Variants in MAP7D3 observed in about 807,000 individuals in gnomAD.
MAP7D3 encodes MAP7 domain containing 3.
In MAP7D3, 45 loss-of-function variants were observed where a neutral mutation model predicts 62.2. That is an observed-to-expected ratio of 0.72 (90% CI 0.57 to 0.93). MAP7D3 has a LOEUF of 0.93. MAP7D3 is among the 40% of genes least tolerant of loss of function. MAP7D3 has a pLI of 0.00. For synonymous variants in MAP7D3, 288 were observed against 248.8 expected (o/e 1.16, Z -1.48); for missense variants, 711 against 683.1 (o/e 1.04, Z -0.45).
chrX:136,252,783 C>A (rs184679665), upstream of MAP7D3, among the ~76,000 whole-genome samples: 1,120 of 107,156 alleles, frequency 0.01, 11 homozygotes, highest in Middle Eastern at 0.021. Context: ...TAAGTGTTTG[C>A]GATGATGTAG....
intron 14 of MAP7D3, 143 bp downstream of exon 14, chrX:136,224,684 C>A: frequency 7.5e-6 from 3 of 401,336 alleles, no homozygotes; most frequent in African/African-American, 2.6e-5. Flanking sequence ...GATATGAAAA[C>A]ATGGTCAACC....
At chrX:136,250,083 T>C (rs374984694) in intron 1 of MAP7D3, among the ~76,000 whole-genome samples, 32 of 111,687 alleles carry the variant, frequency 2.9e-4, no homozygotes, top group African/African-American at 1.0e-3. Context: ...CAACACAATT[T>C]ATTGGAGACT....
At chrX:136,226,105 T>A in intron 12 of MAP7D3, 92 bp from the exon 13 acceptor site, 1 of 579,000 alleles carries the variant, frequency 1.7e-6, no homozygotes, top group Non-Finnish European at 2.7e-6. Context: ...GTAAATGTTA[T>A]CTAGTATAAC....
chrX:136,241,156 T>C lies in MAP7D3; in HGVS notation c.535+4A>G. On this transcript the variant is annotated splice_donor_region_variant and intron_variant, in intron 5 of 18. Transcript: ENST00000316077. ...ACTTAAAATTTAATGGGTGTATTAA[T>C]TACCAGTTTTGCTCTCAGAATTCGC... The C allele has an allele frequency of 9.6e-7, 1 of 1,044,197 alleles. No individual in the cohort carries two copies. Among genetic ancestry groups the C allele is most frequent in the Non-Finnish European group, 1.3e-6 (1 of 748,303 alleles). 86.1% of individuals were successfully genotyped at this position (1,044,197 alleles called of 1,213,427 possible). A position where few individuals can be genotyped will look rare whatever the true frequency, so the allele number is the denominator to read the frequency against.
At chrX:136,240,632 T>G in intron 5 of MAP7D3, 146 bp from the exon 6 acceptor site, 1 of 429,681 alleles carries the variant, frequency 2.3e-6, no homozygotes, top group Non-Finnish European at 4.0e-6. Flanking sequence ...CGTCAATCCT[T>G]TTTTTTTAGT....
chrX:136,227,376 C>T lies in MAP7D3; in HGVS notation c.1942G>A (p.Asp648Asn). Residue 648 changes from aspartate to asparagine, a missense_variant, in exon 12 of 19, where the codon GAC becomes AAC. Coordinates refer to ENST00000316077, the MANE Select transcript of MAP7D3 (RefSeq NM_024597.4). ...AKEAVGGQAE[D>N]HLKLKDGQQQ... is the part of the protein sequence containing the mutation. ...TGCCCATCTTTGAGTTTCAAGTGGT[C>T]TTCTGCTTGGCCTCCAACTGCTTCC... 8.3e-7 allele frequency: 1 copy of T among 1,198,159 alleles called. No individual in the cohort carries two copies. Among genetic ancestry groups the T allele is most frequent in the Non-Finnish European group, 1.1e-6 (1 of 885,818 alleles).
intron 16 of MAP7D3, among the ~76,000 whole-genome samples, chrX:136,219,911 G>A (rs1316335304): frequency 9.0e-6 from 1 of 111,232 alleles, no homozygotes; most frequent in African/African-American, 3.3e-5. Context: ...AGCTAAGCAC[G>A]CAGGACTCCA....
chrX:136,240,646 G>C (rs2074379695), intron 5 of MAP7D3, among the ~76,000 whole-genome samples, 160 bp from the exon 6 acceptor site: 1 of 110,864 alleles, frequency 9.0e-6, no homozygotes, highest in Admixed American at 9.6e-5. Context: ...TTTTAGTAGA[G>C]ACGGGGCTTC....
chrX:136,222,836 T>G (rs1486597417), intron 14 of MAP7D3, among the ~76,000 whole-genome samples: 1 of 108,488 alleles, frequency 9.2e-6, no homozygotes, highest in Non-Finnish European at 1.9e-5. Context: ...TTGACTGTTT[T>G]TTTTTTTTTT....
Position 136,231,976 on chromosome X carries a change from C to G in MAP7D3, c.981G>C (p.Val327=). 8.3e-7 allele frequency: 1 copy of G among 1,211,687 alleles called. No individual in the cohort carries two copies. The highest frequency in any genetic ancestry group is 1.1e-6 in the Non-Finnish European group (1 of 895,435). Residue 327 remains valine (V), a synonymous_variant, in exon 8 of 19, where the codon GTG becomes GTC. Coordinates refer to ENST00000316077, the MANE Select transcript of MAP7D3 (RefSeq NM_024597.4). ...TSMEASPKAG[V]GMAPEVSTDS... is the part of the protein sequence containing the mutation. ...CCGTGCTCACCTCAGGGGCCATGCC[C>G]ACACCTGCCTTGGGGGACGCTTCCA...
At chrX:136,237,267 G>A (rs898462824) in intron 6 of MAP7D3, among the ~76,000 whole-genome samples, 2 of 112,250 alleles carry the variant, frequency 1.8e-5, no homozygotes, top group Non-Finnish European at 3.8e-5. Context: ...CCACAGAGGT[G>A]GTTAGATCAT....
rs745766924 is a variant in MAP7D3, at chrX:136,227,894, G to GT, written c.1887-464dup. ...ATGAATAATATTCTTCAAGTTAGAG[G>GT]TTTTTTTTGTAATTCATAATATTCC... is the stretch of plus-strand genomic sequence containing the variant. On this transcript the variant is annotated intron_variant, in intron 11 of 18. Coordinates refer to ENST00000316077, the MANE Select transcript of MAP7D3 (RefSeq NM_024597.4). Among the ~76,000 whole-genome samples the GT allele has an allele frequency of 5.4e-5, 6 of 111,065 alleles. No individual in the cohort carries two copies. The East Asian group carries it at 1.4e-3, about 26-fold the overall frequency.
chrX:136,254,273 C>T (rs943305897), upstream of MAP7D3, among the ~76,000 whole-genome samples: 8 of 108,142 alleles, frequency 7.4e-5, no homozygotes, highest in Non-Finnish European at 1.3e-4. Context: ...TTAGTAGAGA[C>T]GGGGTTTTGC....
At chrX:136,233,897 C>A (rs1462187289) in intron 7 of MAP7D3, among the ~76,000 whole-genome samples, 1 of 111,261 alleles carries the variant, frequency 9.0e-6, no homozygotes, top group African/African-American at 3.3e-5. Context: ...TATAGTATGA[C>A]TGGATTTGTA....
At chrX:136,244,843 T>C (rs778450223) in intron 3 of MAP7D3, 48 bp from the exon 4 acceptor site, 1 of 1,024,704 alleles carries the variant, frequency 9.8e-7, no homozygotes, top group Admixed American at 2.7e-5. Flanking sequence ...CAAGAAAATA[T>C]TTAGGTTTTC....
At chrX:136,226,152 CATG>C (rs1412318528) in intron 12 of MAP7D3, 139 bp from the exon 13 acceptor site, 13 of 435,714 alleles carry the variant, frequency 3.0e-5, no homozygotes, top group African/African-American at 1.3e-4. Context: ...GTTCCTATAT[CATG>C]ATATTTGCGG....
At chrX:136,219,698 C>T in intron 16 of MAP7D3, 27 bp from the exon 17 acceptor site, 2 of 1,061,524 alleles carry the variant, frequency 1.9e-6, no homozygotes, top group Non-Finnish European at 2.6e-6. Flanking sequence ...TGGTTAGAAT[C>T]CCAATTATTC....
At chrX:136,238,270 T>C (rs757081656) in intron 6 of MAP7D3, among the ~76,000 whole-genome samples, 5 of 111,848 alleles carry the variant, frequency 4.5e-5, no homozygotes, top group African/African-American at 1.6e-4. Flanking sequence ...CAAATGGTGT[T>C]TCTAGTTCTA....
chrX:136,234,592 T>C (rs2074308879), intron 7 of MAP7D3, among the ~76,000 whole-genome samples: 3 of 112,398 alleles, frequency 2.7e-5, no homozygotes, highest in South Asian at 3.7e-4. Context: ...CAACATCAAA[T>C]GCTGGGTAAA....
Sources: allele counts gnomAD v4.1 joint callset (sites outside exome capture counted in the v4.1 genomes callset), GRCh38; gene constraint gnomAD v4.1.1; transcripts MANE v1.5; gene names NCBI Gene and HGNC (gene_info 2026-07-23, HGNC 2026-07-21).